The following NUP98 variants were observed in gnomAD, a reference collection of about 807,000 sequenced individuals.
NUP98 encodes nuclear pore complex protein Nup98-Nup96.
In NUP98, 26 loss-of-function variants were observed where a neutral mutation model predicts 191.9. The observed-to-expected ratio is 0.14, with a 90% CI of 0.10 to 0.19. The LOEUF (loss-of-function observed/expected upper bound fraction) is 0.19. Among genes scored for constraint, NUP98 ranks in the 10% least tolerant of loss-of-function variants. The pLI, the probability that NUP98 is intolerant of heterozygous loss-of-function variation, is 1.00. For missense variants in NUP98, 1,941 were observed against 2,178.8 expected, an observed-to-expected ratio of 0.89 and a Z score of 2.17; for synonymous variants, 808 against 778.4, an observed-to-expected ratio of 1.04 and a Z score of -0.63.
intron 10 of NUP98, among the ~76,000 whole-genome samples, chr11:3,757,057 C>A (rs2080983779): frequency 1.3e-5 from 2 of 151,018 alleles, no homozygotes; most frequent in South Asian, 4.2e-4. Context: ...CGCTGCACTC[C>A]AGCCCGGGCG....
chr11:3,723,030 A>G, intron 16 of NUP98, 127 bp downstream of exon 16: 1 of 800,894 alleles, frequency 1.2e-6, no homozygotes, highest in East Asian at 2.6e-5. Context: ...AAGCTCTCCT[A>G]TGTGGGATCA....
Position 3,702,685 on chromosome 11 carries a change from T to C in NUP98, c.3290A>G (p.Gln1097Arg). 1 of 1,614,188 alleles carries C rather than the reference T, an allele frequency of 6.2e-7. No homozygotes were observed. Among genetic ancestry groups the C allele is most frequent in the Non-Finnish European group, 8.5e-7 (1 of 1,180,032 alleles). The change falls in exon 23 of 33, where the codon CAA (glutamine) becomes CGA (arginine). Residue 1097 changes from glutamine (Q) to arginine (R), a missense_variant. Physicochemically the swap from Gln to Arg is conservative, Grantham distance 43. Coordinates refer to ENST00000324932, the MANE Select transcript of NUP98 (RefSeq NM_016320.5). ...VPLKTVGTRR[Q>R]LGLVPREKSV... ...CTTTTCACGAGGGACTAGGCCTAGT[T>C]GCCTACGTGTACCCACTGTTTTCAA...
At chr11:3,796,989 G>A (rs1190817654) in intron 1 of NUP98, among the ~76,000 whole-genome samples, 1 of 152,248 alleles carries the variant, frequency 6.6e-6, no homozygotes, top group African/African-American at 2.4e-5. Context: ...CCCTTATGGA[G>A]AAGCCAAGGC....
chr11:3,676,278 G>A lies in NUP98; in HGVS notation c.5284C>T (p.Pro1762Ser). 6.2e-7 allele frequency: 1 copy of A among 1,614,134 alleles called. No individual in the cohort carries two copies. The part of the protein sequence containing the change: ...SDSTPDPQRV[P>S]LRLLAPHIGR... ...ATGTGGGGAGCCAAGAGGCGCAAAG[G>A]GACTCGCTGAGGGTCTGGTGTTGAG... Residue 1762 changes from proline to serine, a missense_variant, in exon 33 of 33, where the codon CCT becomes TCT. Pro to Ser is a moderately conservative substitution (Grantham distance 74, BLOSUM62 -1). Coordinates refer to ENST00000324932, the MANE Select transcript of NUP98 (RefSeq NM_016320.5).
chr11:3,725,290 TA>T, intron 14 of NUP98, 71 bp from the exon 15 acceptor site: 1 of 712,200 alleles, frequency 1.4e-6, no homozygotes, highest in Non-Finnish European at 2.4e-6. Flanking sequence ...GACATTATCT[TA>T]AAAACTGGAG....
intron 11 of NUP98, among the ~76,000 whole-genome samples, chr11:3,747,132 G>A (rs2134398614): frequency 6.6e-6 from 1 of 152,172 alleles, no homozygotes; most frequent in Non-Finnish European, 1.5e-5. Context: ...ATAAAGTTCT[G>A]GTAATTTGTC....
intron 10 of NUP98, among the ~76,000 whole-genome samples, chr11:3,754,941 C>CAAAAAAAAAAAAAAAAAAA (rs34606573): frequency 1.5e-5 from 1 of 66,238 alleles, no homozygotes; most frequent in African/African-American, 6.0e-5. Flanking sequence ...GACACTATCT[C>CAAAAAAAAAAAAAAAAAAA]AAAAAAAAAA....
intron 7 of NUP98, 77 bp downstream of exon 7, chr11:3,771,671 C>T: frequency 7.6e-7 from 1 of 1,312,948 alleles, no homozygotes; most frequent in Non-Finnish European, 1.1e-6. Flanking sequence ...TAGCACTTAT[C>T]CCAAAATGGC....
At chr11:3,689,694 A>G (rs993800373) in intron 28 of NUP98, among the ~76,000 whole-genome samples, 1 of 151,878 alleles carries the variant, frequency 6.6e-6, no homozygotes, top group African/African-American at 2.4e-5. Flanking sequence ...AGGCTGGAGT[A>G]CAGTGATGCA....
At chr11:3,691,891 A>G (rs1318123381) in intron 27 of NUP98, among the ~76,000 whole-genome samples, 1 of 152,174 alleles carries the variant, frequency 6.6e-6, no homozygotes, top group African/African-American at 2.4e-5. Context: ...AGACACCTGT[A>G]TTAAGAATGA....
rs765747562 is a variant in NUP98, at chr11:3,702,881, G to T, written c.3094C>A (p.Leu1032Ile). The T allele has an allele frequency of 1.9e-6, 3 of 1,606,664 alleles. No homozygotes were observed. In the African/African-American group the frequency reaches 4.0e-5, roughly 22 times the overall value. ...GCTCCACTTGTAAATTTTGATTGTA[G>T]TAACCCACCAACTGAAATGAAGCGG... Reference protein sequence around the residue: ...SKTRSLVGGLLQSKFTSGAFL... With the variant: ...SKTRSLVGGLIQSKFTSGAFL... The change falls in exon 23 of 33, where the codon CTA becomes ATA. Residue 1032 changes from leucine (L) to isoleucine (I), a missense_variant. Coordinates refer to ENST00000324932, the MANE Select transcript of NUP98 (RefSeq NM_016320.5).
At chr11:3,683,170 A>G (rs770454895) in intron 30 of NUP98, 30 bp downstream of exon 30, 4 of 1,612,198 alleles carry the variant, frequency 2.5e-6, no homozygotes, top group Admixed American at 1.7e-5. Context: ...ATTTGGGGTG[A>G]TTCCAGGAGA....
chr11:3,723,529 G>T, intron 15 of NUP98, 74 bp from the exon 16 acceptor site: 1 of 1,284,350 alleles, frequency 7.8e-7, no homozygotes, highest in Non-Finnish European at 1.1e-6. Flanking sequence ...CTAATACCGA[G>T]CCTTTACTAA....
intron 1 of NUP98, among the ~76,000 whole-genome samples, chr11:3,793,478 G>A (rs564252728): frequency 2.0e-5 from 3 of 151,888 alleles, no homozygotes; most frequent in African/African-American, 7.2e-5. Context: ...AGTAGATTCA[G>A]GGTTTCACCA....
intron 9 of NUP98, among the ~76,000 whole-genome samples, chr11:3,762,142 T>C (rs1258442045): frequency 1.3e-5 from 2 of 152,166 alleles, no homozygotes; most frequent in Admixed American, 1.3e-4. Flanking sequence ...AGAGTTTTGC[T>C]CTTGTTGCCC....
Position 3,762,751 on chromosome 11 carries a change from A to G in NUP98, c.1086+151T>C, listed in dbSNP as rs140497426. On this transcript the variant is annotated intron_variant, in intron 9 of 32. Transcript: ENST00000324932. ...AACCTGAAATTTCATTTTATATCAA[A>G]TAATTTTTTGTTCTCAGAATCAAAT... 591 of 732,504 alleles carry G rather than the reference A, an allele frequency of 8.1e-4. 2 individuals carry two copies. In the African/African-American group the frequency reaches 9.6e-3, roughly 12 times the overall value. 45.4% of individuals were successfully genotyped at this position (732,504 alleles called of 1,614,324 possible). A position where few individuals can be genotyped will look rare whatever the true frequency, so the allele number is the denominator to read the frequency against.
chr11:3,703,038 C>A, intron 22 of NUP98, 146 bp from the exon 23 acceptor site: 1 of 676,050 alleles, frequency 1.5e-6, no homozygotes, highest in Non-Finnish European at 2.4e-6. Flanking sequence ...CAGAAGCAGG[C>A]TAAGTCAGAT....
chr11:3,743,727 T>C (rs1193232688), intron 12 of NUP98, among the ~76,000 whole-genome samples: 1 of 148,826 alleles, frequency 6.7e-6, no homozygotes, highest in African/African-American at 2.5e-5. Flanking sequence ...CCTGGCAAAG[T>C]CTGGAAGGTG....
intron 1 of NUP98, among the ~76,000 whole-genome samples, chr11:3,791,146 C>T (rs183598584): frequency 0.033 from 5,031 of 152,044 alleles, 105 homozygotes; most frequent in Non-Finnish European, 0.048. Context: ...CCGCCCCCCT[C>T]AGCCTCCCAA....
Sources: allele counts gnomAD v4.1 joint callset (sites outside exome capture counted in the v4.1 genomes callset), GRCh38; gene constraint gnomAD v4.1.1; transcripts MANE v1.5; gene names NCBI Gene and HGNC (gene_info 2026-07-23, HGNC 2026-07-21).